Variants in TSHZ3 observed in about 807,000 individuals in gnomAD.
TSHZ3 encodes the protein teashirt zinc finger homeobox 3.
In TSHZ3, 10 loss-of-function variants were observed where a neutral mutation model predicts 64.5. The observed-to-expected ratio is 0.16, with a 90% CI of 0.10 to 0.26. The LOEUF is 0.26. TSHZ3 is among the 10% of genes least tolerant of loss of function. The pLI is 1.00. For synonymous variants in TSHZ3, 608 were observed against 593.1 expected (o/e 1.03, Z -0.36); for missense variants, 1,242 against 1,421.7 (o/e 0.87, Z 2.03).
At chr19:31,180,215 A>G (rs1974690263) in intron 5 of TSHZ3, among the ~76,000 whole-genome samples, 1 of 152,154 alleles carries the variant, frequency 6.6e-6, no homozygotes, top group Non-Finnish European at 1.5e-5. Context: ...TGCTAAGCCA[A>G]TGATGATTAG....
intron 1 of TSHZ3, among the ~76,000 whole-genome samples, chr19:31,319,241 C>T (rs1019865174): frequency 2.0e-5 from 3 of 152,244 alleles, no homozygotes; most frequent in Non-Finnish European, 2.9e-5. Flanking sequence ...CCTGCCAAGA[C>T]GGCTGGCTCA....
intron 1 of TSHZ3, among the ~76,000 whole-genome samples, chr19:31,304,718 G>T (rs1976810801): frequency 6.6e-6 from 1 of 151,658 alleles, no homozygotes; most frequent in Non-Finnish European, 1.5e-5. Context: ...AGTAGACTTT[G>T]ACAAAAACTA....
intron 1 of TSHZ3, among the ~76,000 whole-genome samples, chr19:31,269,804 A>C (rs1384312533): frequency 6.6e-6 from 1 of 152,262 alleles, no homozygotes; most frequent in African/African-American, 2.4e-5. Flanking sequence ...TTTTAAAAAG[A>C]AAGCAGGATG....
intron 3 of TSHZ3, among the ~76,000 whole-genome samples, chr19:31,240,716 T>C (rs1364918090): frequency 1.3e-5 from 2 of 152,198 alleles, no homozygotes; most frequent in Non-Finnish European, 2.9e-5. Context: ...TTTAATTCTT[T>C]TTTTCCGTAT....
At chr19:31,231,201 T>G (rs533566532) in intron 3 of TSHZ3, among the ~76,000 whole-genome samples, 1 of 152,244 alleles carries the variant, frequency 6.6e-6, no homozygotes, top group African/African-American at 2.4e-5. Context: ...CAACAATCCA[T>G]TGGCAAAAGG....
chr19:31,329,065 A>G lies in TSHZ3; in HGVS notation c.40+20115T>C, dbSNP rs369890669. On this transcript the variant is annotated intron_variant, in intron 1 of 1. Transcript: ENST00000240587. ...CATTTACAGAAAATGAAATGCTCAC[A>G]TTTCATCATTAAATTACACTAGGCT... 1.6e-3 allele frequency among the ~76,000 whole-genome samples: 249 copies of G among 152,328 alleles called. 7 individuals are homozygous for G. In the South Asian group the frequency reaches 0.049, roughly 30 times the overall value.
intron 1 of TSHZ3, among the ~76,000 whole-genome samples, chr19:31,313,530 A>C (rs1420521902): frequency 6.6e-6 from 1 of 152,164 alleles, no homozygotes; most frequent in Non-Finnish European, 1.5e-5. Context: ...GGCACTGCGT[A>C]CCACCTGCCT....
chr19:31,250,023 C>G (rs928664909), intron 1 of TSHZ3, among the ~76,000 whole-genome samples: 6 of 152,188 alleles, frequency 3.9e-5, no homozygotes. Flanking sequence ...CTGAGCTGTT[C>G]CTGGTGCAAG....
At chr19:31,311,806 C>T (rs1024743204) in intron 1 of TSHZ3, among the ~76,000 whole-genome samples, 4 of 152,154 alleles carry the variant, frequency 2.6e-5, no homozygotes, top group Non-Finnish European at 5.9e-5. Context: ...TCACTGCAGC[C>T]TCCACCTCCC....
chr19:31,331,350 T>C (rs1917087099), intron 1 of TSHZ3, among the ~76,000 whole-genome samples: 1 of 152,182 alleles, frequency 6.6e-6, no homozygotes, highest in Admixed American at 6.5e-5. Context: ...CTGGAATAGC[T>C]TATTTATCAT....
intron 1 of TSHZ3, among the ~76,000 whole-genome samples, chr19:31,291,149 C>T (rs992439617): frequency 1.3e-5 from 2 of 152,170 alleles, no homozygotes; most frequent in South Asian, 2.1e-4. Context: ...CCCATGGCAA[C>T]GAGGCTTCCC....
At chr19:31,270,735 T>C (rs913048820), downstream of TSHZ3, among the ~76,000 whole-genome samples, 1 of 152,216 alleles carries the variant, frequency 6.6e-6, no homozygotes, top group African/African-American at 2.4e-5. Context: ...AATTTAAATC[T>C]GGATAGCCAT....
Position 31,278,293 on chromosome 19 carries a change from G to T in TSHZ3, c.1500C>A (p.Ile500=). The T allele has an allele frequency of 6.2e-7, 1 of 1,614,218 alleles. No homozygotes were observed. The change falls in exon 2 of 2, where the codon ATC becomes ATA. Residue 500 remains isoleucine, a synonymous_variant. Transcript: ENST00000240587. The surrounding 1 kb of genome is among the most constrained non-coding windows in gnomAD (Gnocchi z 4.7). The part of the protein sequence containing the change: ...KPGEEEEKCD[I]SSKYHYLTEN... ...CAGTCAAGTAATGGTATTTGGAAGA[G>T]ATGTCACACTTCTCCTCTTCTTCGC...
intron 5 of TSHZ3, among the ~76,000 whole-genome samples, chr19:31,203,990 G>T (rs528882101): frequency 3.3e-5 from 5 of 152,214 alleles, no homozygotes; most frequent in Non-Finnish European, 5.9e-5. Context: ...ATGGCGGAAG[G>T]TGAAGGGGAA....
At chr19:31,260,478 T>G (rs535725068) in intron 1 of TSHZ3, among the ~76,000 whole-genome samples, 1 of 152,198 alleles carries the variant, frequency 6.6e-6, no homozygotes, top group Non-Finnish European at 1.5e-5. Flanking sequence ...CCACCTGATC[T>G]CTGGGCTCTG....
At chr19:31,193,155 T>G (rs1234440326) in intron 5 of TSHZ3, among the ~76,000 whole-genome samples, 1 of 152,152 alleles carries the variant, frequency 6.6e-6, no homozygotes, top group Non-Finnish European at 1.5e-5. Flanking sequence ...GCTCTGCCTT[T>G]TTTTTCTGAG....
chr19:31,199,638 C>T (rs77066881), intron 5 of TSHZ3, among the ~76,000 whole-genome samples: 3,772 of 149,454 alleles, frequency 0.025, 79 homozygotes, highest in South Asian at 0.097. Context: ...AGGAGAAAAT[C>T]GAAATGACCT....
chr19:31,250,579 T>C (rs1352202923), intron 1 of TSHZ3, among the ~76,000 whole-genome samples: 4 of 152,222 alleles, frequency 2.6e-5, no homozygotes, highest in East Asian at 3.9e-4. Flanking sequence ...GCAAAAGATA[T>C]GAAATATCTA....
chr19:31,308,468 C>T (rs1270512864), intron 1 of TSHZ3: 1 of 392,164 alleles, frequency 2.5e-6, no homozygotes, highest in African/African-American at 2.1e-5. Context: ...GAGCCCACAG[C>T]TTGGGGACAC....
Sources: allele counts gnomAD v4.1 joint callset (sites outside exome capture counted in the v4.1 genomes callset), GRCh38; gene constraint gnomAD v4.1.1; non-coding constraint Gnocchi (gnomAD v3.1); transcripts MANE v1.5; gene names NCBI Gene and HGNC (gene_info 2026-07-23, HGNC 2026-07-21).